Variants in FRAS1 observed in about 807,000 individuals in gnomAD.
FRAS1 encodes the protein extracellular matrix organizing protein FRAS1.
FRAS1 carries 290 observed loss-of-function variants against 435.2 expected under a neutral mutation model. That is an observed-to-expected ratio of 0.67 (90% confidence interval 0.61 to 0.73). FRAS1 has a LOEUF of 0.73. Ranked by LOEUF, FRAS1 falls within the 30% of genes least tolerant of loss-of-function variation. The pLI, the probability that FRAS1 is intolerant of heterozygous loss-of-function variation, is 0.00. For missense variants in FRAS1, 4,860 were observed against 5,001.5 expected (o/e 0.97, Z 0.85); for synonymous variants, 1,800 against 1,851.0 (o/e 0.97, Z 0.71).
intron 18 of FRAS1, among the ~76,000 whole-genome samples, chr4:78,321,932 T>G (rs1286307384): frequency 6.6e-6 from 1 of 152,096 alleles, no homozygotes; most frequent in Admixed American, 6.6e-5. Flanking sequence ...CTTGAGTCCC[T>G]TGTAGCCCTG....
At position 78,432,352 on chromosome 4, in the gene FRAS1, G is replaced by A. The variant is rs1734247396; in HGVS notation, c.4970-5G>A. 1.3e-6 allele frequency: 2 copies of A among 1,589,186 alleles called. No individual in the cohort carries two copies. The highest frequency in any genetic ancestry group is 8.6e-7 in the Non-Finnish European group (1 of 1,165,390). On this transcript the variant is annotated splice_polypyrimidine_tract_variant and splice_region_variant and intron_variant, in intron 37 of 73. Transcript: ENST00000512123. ...CTCGTTTGCAATTTGTTTTATTCTT[G>A]GAAGGTGACACTTTCACCTATGAGG...
Position 78,058,104 on chromosome 4 carries a change from G to C in FRAS1, c.76+19G>C, listed in dbSNP as rs764024963. ...TCCGAAGGTGAGAGAGCGGTGCCGC[G>C]TGTGTGTGTGTGTGTGCGTGTGCGT... On this transcript the variant is annotated intron_variant, in intron 1 of 73. Transcript: ENST00000512123. 21 of 1,054,018 alleles carry C rather than the reference G, an allele frequency of 2.0e-5. No homozygotes were observed. In the South Asian group the frequency reaches 3.7e-4, roughly 19 times the overall value. The allele number at this position is 1,054,018 out of a possible 1,614,324, so 65.3% of individuals were successfully genotyped here.
At chr4:78,518,450 A>ATATATATATATATATT (rs1487744216) in intron 66 of FRAS1, among the ~76,000 whole-genome samples, 45 of 69,310 alleles carry the variant, frequency 6.5e-4, no homozygotes, top group South Asian at 1.5e-3. Flanking sequence ...ATATATATAT[A>ATATATATATATATATT]TATTTATTTA....
chr4:78,534,628 C>T lies in FRAS1; in HGVS notation c.11092+13C>T, dbSNP rs1721824482. 1 of 1,610,516 alleles carries T rather than the reference C, an allele frequency of 6.2e-7. No homozygotes were observed. Among genetic ancestry groups the T allele is most frequent in the Non-Finnish European group, 8.5e-7 (1 of 1,177,808 alleles). On this transcript the variant is annotated intron_variant, in intron 71 of 73. Transcript: ENST00000512123. ...GCCTTTTCAAAAGGTGAGTTGCTTC[C>T]TCCACCTGCAGAAAGAGGCTCTGCC...
At chr4:78,117,235 C>T (rs953771696) in intron 2 of FRAS1, among the ~76,000 whole-genome samples, 1 of 152,156 alleles carries the variant, frequency 6.6e-6, no homozygotes, top group African/African-American at 2.4e-5. Flanking sequence ...TTGTGGGTAA[C>T]CTGACCTTTC....
intron 47 of FRAS1, among the ~76,000 whole-genome samples, chr4:78,459,789 C>T (rs1424264026): frequency 6.6e-6 from 1 of 152,156 alleles, no homozygotes; most frequent in Non-Finnish European, 1.5e-5. Context: ...GGACCCGCCC[C>T]AGGCCTCTCT....
intron 2 of FRAS1, among the ~76,000 whole-genome samples, chr4:78,209,893 C>T (rs1209566337): frequency 6.6e-6 from 1 of 152,194 alleles, no homozygotes; most frequent in African/African-American, 2.4e-5. Flanking sequence ...CTGACAAAGC[C>T]AGAACAGCCC....
chr4:78,099,656 C>A (rs1224208872), intron 2 of FRAS1, among the ~76,000 whole-genome samples: 1 of 152,070 alleles, frequency 6.6e-6, no homozygotes, highest in Non-Finnish European at 1.5e-5. Flanking sequence ...TTTTTTGCAC[C>A]AGGTCACATA....
intron 40 of FRAS1, among the ~76,000 whole-genome samples, chr4:78,440,056 C>T (rs1734593617): frequency 7.3e-6 from 1 of 137,742 alleles, no homozygotes; most frequent in Admixed American, 7.7e-5. Context: ...CGGAGTCTCG[C>T]TCTGTCGCCC....
chr4:78,407,737 AC>A lies in FRAS1; in HGVS notation c.4205del (p.Thr1402LysfsTer73). ...DEGQHLPDGR[T>X]ATPTSTFTQQ... Reference sequence around the variant, plus strand: ...AGGGCAGCACCTGCCTGATGGGAGGACAGCTACCCCCACCAGCACCTTCACC... The same window carrying A: ...AGGGCAGCACCTGCCTGATGGGAGGAAGCTACCCCCACCAGCACCTTCACC... On this transcript the variant is annotated frameshift_variant, in exon 31 of 74. Coordinates refer to ENST00000512123, the MANE Select transcript of FRAS1 (RefSeq NM_025074.7). LOFTEE classifies it high-confidence loss of function. 6.2e-7 allele frequency: 1 copy of A among 1,613,690 alleles called. No individual in the cohort carries two copies. Among genetic ancestry groups the A allele is most frequent in the Non-Finnish European group, 8.5e-7 (1 of 1,179,796 alleles).
chr4:78,464,681 G>C, intron 49 of FRAS1, 98 bp downstream of exon 49: 1 of 1,343,998 alleles, frequency 7.4e-7, no homozygotes, highest in East Asian at 2.4e-5. Context: ...GTAGGGAGGA[G>C]CTGTAAGGTG....
intron 59 of FRAS1, among the ~76,000 whole-genome samples, chr4:78,493,658 T>G (rs1413533912): frequency 2.6e-5 from 4 of 151,228 alleles, no homozygotes; most frequent in African/African-American, 9.7e-5. Flanking sequence ...CCTGTCTGGG[T>G]GGTGGGGGGC....
chr4:78,258,354 A>AC (rs1491388330), intron 6 of FRAS1, among the ~76,000 whole-genome samples: 9 of 146,828 alleles, frequency 6.1e-5, no homozygotes, highest in South Asian at 4.3e-4. Flanking sequence ...AAAAAAAAAA[A>AC]AGAAAAAAGA....
intron 2 of FRAS1, among the ~76,000 whole-genome samples, chr4:78,088,262 TATAC>T (rs1741307798): frequency 1.3e-5 from 2 of 152,280 alleles, no homozygotes; most frequent in African/African-American, 4.8e-5. Flanking sequence ...CCTTACACCT[TATAC>T]AAAAATTAAT....
chr4:78,183,488 TCA>T (rs1400397258), intron 2 of FRAS1, among the ~76,000 whole-genome samples: 3 of 152,184 alleles, frequency 2.0e-5, no homozygotes, highest in African/African-American at 7.2e-5. Context: ...AGGAATGTGC[TCA>T]CAGTGTCCAG....
At chr4:78,275,450 C>CA (rs1726955585) in intron 9 of FRAS1, among the ~76,000 whole-genome samples, 1 of 152,108 alleles carries the variant, frequency 6.6e-6, no homozygotes, top group South Asian at 2.1e-4. Context: ...CAGTGGCTGG[C>CA]ACCGGTTGTT....
chr4:78,504,590 A>G (rs1223621306), intron 61 of FRAS1, among the ~76,000 whole-genome samples: 1 of 152,064 alleles, frequency 6.6e-6, no homozygotes, highest in Non-Finnish European at 1.5e-5. Context: ...ATCTTCCTCC[A>G]TCCCTTTATT....
intron 27 of FRAS1, among the ~76,000 whole-genome samples, chr4:78,380,826 G>A (rs1465888568): frequency 1.3e-5 from 2 of 152,154 alleles, no homozygotes; most frequent in Non-Finnish European, 2.9e-5. Flanking sequence ...GTTTGGGCTG[G>A]GAGATAGGTG....
chr4:78,332,593 C>T (rs1246950614), intron 18 of FRAS1, among the ~76,000 whole-genome samples: 1 of 152,196 alleles, frequency 6.6e-6, no homozygotes, highest in African/African-American at 2.4e-5. Flanking sequence ...GTCCACAACA[C>T]CCCATGCAGT....
Sources: gnomAD v4.1 joint callset for allele counts (sites outside exome capture counted in the v4.1 genomes callset) on GRCh38, gnomAD v4.1.1 for gene constraint, MANE v1.5 for transcripts, NCBI Gene and HGNC (gene_info 2026-07-23, HGNC 2026-07-21) for gene names.